Variants in TMEM168 observed in about 807,000 individuals in gnomAD.
TMEM168 encodes the protein transmembrane protein 168.
Under a neutral mutation model 53.2 loss-of-function variants are expected in TMEM168, and 40 were observed. The ratio of observed to expected loss-of-function variants is 0.75; its 90% CI spans 0.58 to 0.98. The LOEUF (loss-of-function observed/expected upper bound fraction) is 0.98, where lower values mean the gene tolerates loss of function less well. TMEM168 is among the 50% of genes least tolerant of loss of function. The probability of loss-of-function intolerance (pLI) is 0.00; values close to 1 mark genes in which losing one functional copy is unlikely to be tolerated. For synonymous variants in TMEM168, 282 were observed against 293.0 expected, an observed-to-expected ratio of 0.96 and a Z score of 0.38; for missense variants, 771 against 828.8, an observed-to-expected ratio of 0.93 and a Z score of 0.86.
chr7:112,784,659 C>A lies in TMEM168; in HGVS notation c.167G>T (p.Trp56Leu). 1.2e-6 allele frequency: 2 copies of A among 1,612,200 alleles called. No individual in the cohort carries two copies. The highest frequency in any genetic ancestry group is 1.7e-6 in the Non-Finnish European group (2 of 1,179,514). Residue 56 changes from tryptophan to leucine, a missense_variant, in exon 2 of 5, where the codon TGG becomes TTG. Physicochemically the swap from Trp to Leu is moderately conservative, Grantham distance 61 (BLOSUM62 -2). Transcript: ENST00000312814. ...VAICLGLYVR[W>L]EKTANSLILV... ...AATTAAGGAATTTGCTGTTTTTTCC[C>A]ATCTTACGTATAGACCTAAGCATAT...
intron 2 of TMEM168, among the ~76,000 whole-genome samples, chr7:112,782,128 A>G (rs941546189): frequency 2.0e-5 from 3 of 152,244 alleles, no homozygotes; most frequent in Non-Finnish European, 2.9e-5. Flanking sequence ...GATGCTCAAC[A>G]TCATTAGTCA....
At chr7:112,777,441 G>T (rs1372421925) in intron 2 of TMEM168, among the ~76,000 whole-genome samples, 1 of 151,942 alleles carries the variant, frequency 6.6e-6, no homozygotes, top group Non-Finnish European at 1.5e-5. Context: ...CTGTTCTGTT[G>T]TTCTATTTTT....
At position 112,784,378 on chromosome 7, in the gene TMEM168, G is replaced by T. The variant is rs779314559; in HGVS notation, c.448C>A (p.Arg150=). 3 of 1,614,090 alleles carry T rather than the reference G, an allele frequency of 1.9e-6. No individual in the cohort carries two copies. Among genetic ancestry groups the T allele is most frequent in the Non-Finnish European group, 2.5e-6 (3 of 1,179,998 alleles). The change falls in exon 2 of 5, where the codon CGG becomes AGG. Residue 150 remains arginine (R), a synonymous_variant. Transcript: ENST00000312814. The stretch of plus-strand genomic sequence containing the variant: ...TCAACTGTGGTTAGTAAAGTGGGCC[G>T]ATGACGGACATAACCAGAAATTCTC... The part of the protein sequence containing the change: ...VERISGYVRH[R]PTLLTTVEFL...
intron 3 of TMEM168, among the ~76,000 whole-genome samples, chr7:112,774,472 G>A (rs1016390678): frequency 1.3e-5 from 2 of 148,360 alleles, no homozygotes; most frequent in South Asian, 2.2e-4. Flanking sequence ...GTTCAGAGTA[G>A]TTATAGTGTA....
intron 1 of TMEM168, among the ~76,000 whole-genome samples, chr7:112,787,384 G>A (rs1379750107): frequency 6.6e-6 from 1 of 151,656 alleles, no homozygotes; most frequent in Admixed American, 6.6e-5. Flanking sequence ...CTTTTTTGGG[G>A]GGAGGGGGAA....
intron 1 of TMEM168, chr7:112,788,659 A>C (rs1007369823): frequency 1.3e-5 from 2 of 152,216 alleles, no homozygotes; most frequent in Non-Finnish European, 2.9e-5. Context: ...TAGAGGAGTC[A>C]ATATGCATAT....
At chr7:112,781,427 ATG>A (rs1184021025) in intron 2 of TMEM168, among the ~76,000 whole-genome samples, 4 of 152,224 alleles carry the variant, frequency 2.6e-5, no homozygotes, top group Non-Finnish European at 4.4e-5. Flanking sequence ...ATGGAAAGAA[ATG>A]TGAGAAACTT....
chr7:112,776,515 T>TA (rs977103579), intron 2 of TMEM168, among the ~76,000 whole-genome samples: 4 of 151,968 alleles, frequency 2.6e-5, no homozygotes, highest in Non-Finnish European at 4.4e-5. Flanking sequence ...CAAAATTTAA[T>TA]AAAAAAATTA....
At chr7:112,783,508 C>T (rs1008905253) in intron 2 of TMEM168, among the ~76,000 whole-genome samples, 190 bp downstream of exon 2, 1 of 152,206 alleles carries the variant, frequency 6.6e-6, no homozygotes, top group Non-Finnish European at 1.5e-5. Flanking sequence ...ATTTTGGTAC[C>T]TCTTTGCTAG....
At chr7:112,779,180 C>T (rs557067706) in intron 2 of TMEM168, among the ~76,000 whole-genome samples, 100 of 152,194 alleles carry the variant, frequency 6.6e-4, no homozygotes, top group East Asian at 7.7e-4. Context: ...TGTGAGTCAT[C>T]ATGCCTGGCC....
At position 112,784,463 on chromosome 7, in the gene TMEM168, T is replaced by C; in HGVS notation, c.363A>G (p.Glu121=). The C allele has an allele frequency of 4.3e-6, 7 of 1,614,094 alleles. No individual in the cohort carries two copies. Among genetic ancestry groups the C allele is most frequent in the Non-Finnish European group, 5.9e-6 (7 of 1,179,994 alleles). ...ATGTTAGAAGCAAATATTTGGTTGA[T>C]TCTTCTTTTACATCATTTTTAAAGG... ...NSSFKNDVKE[E]STKYLLLTSI... is the part of the protein sequence containing the mutation. The change falls in exon 2 of 5, where the codon GAA becomes GAG. Residue 121 remains glutamate (E), a synonymous_variant. Coordinates refer to ENST00000312814, the MANE Select transcript of TMEM168 (RefSeq NM_022484.6).
intron 1 of TMEM168, among the ~76,000 whole-genome samples, chr7:112,787,348 A>G (rs1472475329): frequency 1.3e-5 from 2 of 151,412 alleles, no homozygotes; most frequent in East Asian, 3.9e-4. Flanking sequence ...TCCAATGGGT[A>G]CTTTTCACTC....
Position 112,767,715 on chromosome 7 carries a change from T to C in TMEM168, c.1576A>G (p.Ile526Val), listed in dbSNP as rs368787025. 18 of 1,613,130 alleles carry C rather than the reference T, an allele frequency of 1.1e-5. No homozygotes were observed. The highest frequency in any genetic ancestry group is 5.3e-5 in the African/African-American group (4 of 74,896). Residue 526 changes from isoleucine to valine, a missense_variant, in exon 5 of 5, where the codon ATA becomes GTA. Ile to Val is a conservative substitution (Grantham distance 29). Coordinates refer to ENST00000312814, the MANE Select transcript of TMEM168 (RefSeq NM_022484.6). ...CCATTCTTTTCTCTCCACCATTCTA[T>C]AAGTGTGTCAAGGCGTAGTGTATCT... The part of the protein sequence containing the change: ...GGDTLRLDTL[I>V]EWWREKNGSF...
chr7:112,773,025 T>C lies in TMEM168; in HGVS notation c.1302A>G (p.Pro434=), dbSNP rs1479982471. ...TCAAATTTAACTCCTGTACATGTTC[T>C]GGGGGAAGCAGTGTTGGCTGACCAT... is the stretch of plus-strand genomic sequence containing the variant. ...SPDGQPTLLP[P]EHVQELNLRS... The change falls in exon 4 of 5, where the codon CCA becomes CCG. Residue 434 remains proline, a synonymous_variant. Transcript: ENST00000312814. The C allele has an allele frequency of 6.2e-7, 1 of 1,609,418 alleles. No homozygotes were observed. The highest frequency in any genetic ancestry group is 1.3e-5 in the African/African-American group (1 of 74,958).
intron 1 of TMEM168, among the ~76,000 whole-genome samples, chr7:112,786,749 T>A (rs989154610): frequency 4.9e-4 from 74 of 152,300 alleles, no homozygotes; most frequent in African/African-American, 1.8e-3. Context: ...CTAGGCTAAA[T>A]GGTGCCACTC....
In TMEM168 at chr7:112,784,326, A is replaced by G; in HGVS notation, c.500T>C (p.Ile167Thr). 6.2e-7 allele frequency: 1 copy of G among 1,614,218 alleles called. No homozygotes were observed. Among genetic ancestry groups the G allele is most frequent in the Non-Finnish European group, 8.5e-7 (1 of 1,180,030 alleles). Residue 167 changes from isoleucine to threonine, a missense_variant, in exon 2 of 5, where the codon ATT becomes ACT. Transcript: ENST00000312814. ...VEFLELVGFA[I>T]ASTTMLVEKS... ...CTCCACCAACATAGTTGTGCTGGCA[A>G]TGGCAAATCCAACAAGCTCCAGAAA...
chr7:112,773,894 TCTAA>T (rs1490024750), intron 3 of TMEM168, among the ~76,000 whole-genome samples: 5 of 152,170 alleles, frequency 3.3e-5, no homozygotes, highest in Admixed American at 6.5e-5. Context: ...GGAATAAATA[TCTAA>T]CTGTGCATAT....
At position 112,787,713 on chromosome 7, in the gene TMEM168, ATTTTTTTTTTTTTTTTT is replaced by A. The variant is rs71155069; in HGVS notation, c.-129+2430_-129+2446del. 4.3e-3 allele frequency among the ~76,000 whole-genome samples: 167 copies of A among 38,792 alleles called. 4 individuals carry two copies. Among genetic ancestry groups the A allele is most frequent in the South Asian group, 0.017 (16 of 948 alleles). The allele number at this position is 38,792 out of a possible 152,430, so 25.4% of individuals were successfully genotyped here. A position where few individuals can be genotyped will look rare whatever the true frequency, so the allele number is the denominator to read the frequency against. On this transcript the variant is annotated intron_variant, in intron 1 of 4. Transcript: ENST00000312814. ...ACAGGCGTGAGCCACTGCGACTGGC[ATTTTTTTTTTTTTTTTT>A]TTTTTTTTTTTTTTTTTTTGAGACA...
At chr7:112,790,050 C>G (rs1420082222) in intron 1 of TMEM168, 110 bp downstream of exon 1, 2 of 152,314 alleles carry the variant, frequency 1.3e-5, no homozygotes, top group South Asian at 2.1e-4. Flanking sequence ...GGTATCCTAC[C>G]CCGGCCCTGG....
Sources: gnomAD v4.1 joint callset for allele counts (sites outside exome capture counted in the v4.1 genomes callset) on GRCh38, gnomAD v4.1.1 for gene constraint, MANE v1.5 for transcripts, NCBI Gene and HGNC (gene_info 2026-07-23, HGNC 2026-07-21) for gene names.